The following KLHL8 variants were observed in gnomAD, a reference collection of about 807,000 sequenced individuals.
The protein encoded by KLHL8 is kelch-like protein 8.
KLHL8 carries 38 observed loss-of-function variants against 63.5 expected under a neutral mutation model. The observed-to-expected ratio is 0.60, with a 90% CI of 0.46 to 0.78. KLHL8 has a LOEUF of 0.78. Ranked by LOEUF, KLHL8 falls within the 30% of genes least tolerant of loss-of-function variation. The pLI is 0.00. For synonymous variants in KLHL8, 224 were observed against 254.3 expected (o/e 0.88, Z 1.13); for missense variants, 566 against 752.4 (o/e 0.75, Z 2.90).
At chr4:87,180,638 C>T (rs987179125) in intron 4 of KLHL8, among the ~76,000 whole-genome samples, 1 of 152,194 alleles carries the variant, frequency 6.6e-6, no homozygotes, top group Non-Finnish European at 1.5e-5. Flanking sequence ...GAGCCTTTCA[C>T]ATGGTAGGCA....
At chr4:87,197,598 T>A (rs1263329153) in intron 1 of KLHL8, among the ~76,000 whole-genome samples, 1 of 152,198 alleles carries the variant, frequency 6.6e-6, no homozygotes, top group South Asian at 2.1e-4. Flanking sequence ...GCACGGAAAC[T>A]GTGAGATAAT....
At chr4:87,195,143 C>G (rs1019530694) in intron 2 of KLHL8, among the ~76,000 whole-genome samples, 181 bp downstream of exon 2, 1 of 152,234 alleles carries the variant, frequency 6.6e-6, no homozygotes, top group East Asian at 1.9e-4. Flanking sequence ...CTTATGCTAA[C>G]TTCTCTTCAT....
At chr4:87,189,965 C>T (rs1348415795) in intron 2 of KLHL8, among the ~76,000 whole-genome samples, 1 of 138,524 alleles carries the variant, frequency 7.2e-6, no homozygotes, top group Non-Finnish European at 1.5e-5. Flanking sequence ...ACCTCGGAGG[C>T]AGAGGTTGCA....
chr4:87,195,696 A>AAAG lies in KLHL8; in HGVS notation c.-151-7_-151-6insCTT. ...CATTGTACAGTTTGCTGTGACTGAA[A>AAAG]AATCAACAATAAAACAGGTAGAGAC... On this transcript the variant is annotated splice_region_variant and splice_polypyrimidine_tract_variant and intron_variant, in intron 1 of 9. Transcript: ENST00000273963. The AAAG allele has an allele frequency of 1.7e-6, 1 of 572,908 alleles. No homozygotes were observed. Among genetic ancestry groups the AAAG allele is most frequent in the Non-Finnish European group, 3.0e-6 (1 of 329,306 alleles). 35.5% of individuals were successfully genotyped at this position (572,908 alleles called of 1,614,324 possible).
intron 8 of KLHL8, among the ~76,000 whole-genome samples, chr4:87,169,001 C>A: frequency 6.6e-6 from 1 of 150,796 alleles, no homozygotes; most frequent in Non-Finnish European, 1.5e-5. Context: ...TTGACATGAC[C>A]TTTATTTATA....
At chr4:87,208,147 T>C (rs969837231) in intron 1 of KLHL8, 3 of 404,424 alleles carry the variant, frequency 7.4e-6, no homozygotes, top group African/African-American at 6.2e-5. Context: ...AGGTCGTCAC[T>C]GCTGGGGAGT....
intron 1 of KLHL8, chr4:87,207,312 C>A (rs1732169257): frequency 5.0e-6 from 3 of 602,964 alleles, no homozygotes; most frequent in Admixed American, 2.0e-5. Flanking sequence ...CCATTACCAT[C>A]TTCCAGGAGC....
At position 87,162,912 on chromosome 4, in the gene KLHL8, T is replaced by C. The variant is rs1196394173; in HGVS notation, c.*607A>G. On this transcript the variant is annotated 3_prime_UTR_variant, in exon 10 of 10. Coordinates refer to ENST00000273963, the MANE Select transcript of KLHL8 (RefSeq NM_020803.5). ...ATTCAAACTGAAATTAAAGGCTTCT[T>C]ATAGCCTATAAGCTTCTGAAAATGC... 2 of 152,174 alleles carry C rather than the reference T, an allele frequency of 1.3e-5. No individual in the cohort carries two copies. The highest frequency in any genetic ancestry group is 3.8e-4 in the East Asian group (2 of 5,202). The allele number at this position is 152,174 out of a possible 1,614,324, so 9.4% of individuals were successfully genotyped here. A position where few individuals can be genotyped will look rare whatever the true frequency, so the allele number is the denominator to read the frequency against.
rs1340937647 is a variant in KLHL8 at position 87,170,127 on chromosome 4, T to A, written c.1489A>T (p.Arg497Ter). Residue 497 changes from arginine to a stop codon, truncating the protein, a stop_gained, in exon 8 of 10, where the codon AGA becomes TGA. Transcript: ENST00000273963. LOFTEE classifies it high-confidence loss of function. Reference sequence around the variant, plus strand: ...AGCTTGCTAACTCCATTGCCTGCTCTTCGCTGACCCATTTCTTTAACTTCT... The same window carrying A: ...AGCTTGCTAACTCCATTGCCTGCTCATCGCTGACCCATTTCTTTAACTTCT... ...WIEVKEMGQR[R>*]AGNGVSKLHG... The A allele has an allele frequency of 6.2e-7, 1 of 1,614,062 alleles. No individual in the cohort carries two copies. Among genetic ancestry groups the A allele is most frequent in the Admixed American group, 1.7e-5 (1 of 60,010 alleles).
At chr4:87,216,679 A>C (rs891005108) in intron 1 of KLHL8, among the ~76,000 whole-genome samples, 1 of 152,206 alleles carries the variant, frequency 6.6e-6, no homozygotes, top group Non-Finnish European at 1.5e-5. Context: ...TCTCTGACTC[A>C]TAAGAACCAA....
At chr4:87,164,373 GA>G (rs200509459) in intron 8 of KLHL8, among the ~76,000 whole-genome samples, 5 of 143,368 alleles carry the variant, frequency 3.5e-5, no homozygotes, top group Non-Finnish European at 6.2e-5. Context: ...CAGAGAAAAA[GA>G]AAAAAAAAAC....
chr4:87,184,090 T>C (rs1301207620), intron 3 of KLHL8, among the ~76,000 whole-genome samples: 1 of 152,186 alleles, frequency 6.6e-6, no homozygotes, highest in East Asian at 1.9e-4. Flanking sequence ...CAAGACTTCG[T>C]TGCAGCAGTC....
chr4:87,176,796 G>C lies in KLHL8; in HGVS notation c.1169C>G (p.Thr390Ser), dbSNP rs759838323. Residue 390 changes from threonine (T) to serine (S), a missense_variant, in exon 6 of 10, where the codon ACT becomes AGT. Transcript: ENST00000273963. ...LGSMEMFDPL[T>S]NKWMMKASMN... ...TGATGCCTTCATCATCCATTTATTA[G>C]TGAGAGGATCAAACATCTCCATACT... 6.2e-7 allele frequency: 1 copy of C among 1,605,862 alleles called. No individual in the cohort carries two copies. The highest frequency in any genetic ancestry group is 8.5e-7 in the Non-Finnish European group (1 of 1,175,152).
intron 1 of KLHL8, among the ~76,000 whole-genome samples, chr4:87,217,824 G>A (rs1732659025): frequency 6.6e-6 from 1 of 151,520 alleles, no homozygotes; most frequent in African/African-American, 2.4e-5. Flanking sequence ...GTGACTCTTG[G>A]GAATTCCAAT....
chr4:87,236,228 A>T lies in KLHL8; in HGVS notation n.57+4030T>A, dbSNP rs537710563. Among the ~76,000 whole-genome samples, 488 of 118,214 alleles carry T rather than the reference A, an allele frequency of 4.1e-3. 2 individuals are homozygous for T. Among genetic ancestry groups the T allele is most frequent in the African/African-American group, 0.016 (444 of 28,286 alleles). The allele number at this position is 118,214 out of a possible 152,430, so 77.6% of individuals were successfully genotyped here. A position where few individuals can be genotyped will look rare whatever the true frequency, so the allele number is the denominator to read the frequency against. On this transcript the variant is annotated intron_variant and non_coding_transcript_variant, in intron 1 of 1. Transcript: ENST00000506274. ...CCTTTTCCTTTTTTTTTTTTTTTTG[A>T]GACGGAGTCTCGCTCTGTAGCCCAG...
chr4:87,228,057 G>T (rs1356957933), intron 1 of KLHL8, among the ~76,000 whole-genome samples: 1 of 152,084 alleles, frequency 6.6e-6, no homozygotes, highest in African/African-American at 2.4e-5. Context: ...TCCAAAGCTT[G>T]GTGGAACTTC....
rs150501500 is a variant in KLHL8, at chr4:87,237,382, T to G, written n.57+2876A>C. On this transcript the variant is annotated intron_variant and non_coding_transcript_variant, in intron 1 of 1. Coordinates refer to the KLHL8 transcript ENST00000506274. ...GCCAATACAATGCATATTTTTTTCC[T>G]TAAAATTGTTTAACTGTTATCAGTA... Among the ~76,000 whole-genome samples, 8 of 152,314 alleles carry G rather than the reference T, an allele frequency of 5.3e-5. No homozygotes were observed. The East Asian group carries it at 1.5e-3, about 29-fold the overall frequency.
At chr4:87,230,370 G>A (rs1733113511) in intron 1 of KLHL8, among the ~76,000 whole-genome samples, 2 of 152,108 alleles carry the variant, frequency 1.3e-5, no homozygotes, top group Admixed American at 6.5e-5. Flanking sequence ...CATCCATAAC[G>A]TTTTCTGGCA....
At chr4:87,167,611 A>G (rs544049523) in intron 8 of KLHL8, 8 of 491,912 alleles carry the variant, frequency 1.6e-5, no homozygotes, top group African/African-American at 7.8e-5. Flanking sequence ...AAGCAGCACC[A>G]TGTGCTGCAG....
Sources: allele counts gnomAD v4.1 joint callset (sites outside exome capture counted in the v4.1 genomes callset), GRCh38; gene constraint gnomAD v4.1.1; transcripts MANE v1.5; gene names NCBI Gene and HGNC (gene_info 2026-07-23, HGNC 2026-07-21).